Variants in FSTL5 observed in about 807,000 individuals in gnomAD.
FSTL5 encodes follistatin like 5.
In FSTL5, 62 loss-of-function variants were observed where a neutral mutation model predicts 89.1. That is an observed-to-expected ratio of 0.70 (90% CI 0.57 to 0.86). The LOEUF is 0.86. Among genes scored for constraint, FSTL5 ranks in the 40% least tolerant of loss-of-function variants. The pLI is 0.00. For missense variants in FSTL5, 1,057 were observed against 1,001.6 expected, an observed-to-expected ratio of 1.06 and a Z score of -0.75; for synonymous variants, 383 against 346.2, an observed-to-expected ratio of 1.11 and a Z score of -1.18.
At chr4:161,738,064 T>C (rs1180574192) in intron 6 of FSTL5, among the ~76,000 whole-genome samples, 2 of 152,116 alleles carry the variant, frequency 1.3e-5, no homozygotes, top group Non-Finnish European at 2.9e-5. Flanking sequence ...TGATTATATA[T>C]ACAATATCTT....
chr4:161,806,503 A>G (rs951804042), intron 4 of FSTL5, among the ~76,000 whole-genome samples: 4 of 152,188 alleles, frequency 2.6e-5, no homozygotes, highest in African/African-American at 4.8e-5. Flanking sequence ...GGCAAATATT[A>G]TAAGTAGAAA....
At chr4:161,736,492 A>G (rs1408909703) in intron 6 of FSTL5, among the ~76,000 whole-genome samples, 1 of 152,144 alleles carries the variant, frequency 6.6e-6, no homozygotes, top group East Asian at 1.9e-4. Context: ...CAAATATTCT[A>G]TTGCCTTTCT....
intron 2 of FSTL5, among the ~76,000 whole-genome samples, chr4:162,092,987 C>T (rs998284584): frequency 1.4e-5 from 2 of 147,946 alleles, no homozygotes; most frequent in African/African-American, 5.0e-5. Context: ...ATAGCCGAGG[C>T]TATGTCTTCC....
chr4:161,882,239 C>G (rs568885595), intron 4 of FSTL5, among the ~76,000 whole-genome samples: 71 of 152,174 alleles, frequency 4.7e-4, no homozygotes, highest in Middle Eastern at 3.4e-3. Context: ...TTTTTCTTCT[C>G]TAAGACTTAA....
intron 15 of FSTL5, among the ~76,000 whole-genome samples, chr4:161,399,439 A>C (rs541486047): frequency 6.6e-6 from 1 of 152,300 alleles, no homozygotes; most frequent in Admixed American, 6.5e-5. Flanking sequence ...CACTTACAGT[A>C]CTGTACTATA....
intron 4 of FSTL5, among the ~76,000 whole-genome samples, chr4:161,843,479 C>T (rs570150374): frequency 2.0e-5 from 3 of 152,082 alleles, no homozygotes; most frequent in Non-Finnish European, 2.9e-5. Flanking sequence ...CTTCATATCC[C>T]TTGTAAGTTG....
intron 1 of FSTL5, among the ~76,000 whole-genome samples, chr4:162,128,967 G>A (rs1732188337): frequency 1.3e-5 from 2 of 148,988 alleles, no homozygotes; most frequent in African/African-American, 5.0e-5. Flanking sequence ...TGTTGCCCAG[G>A]CTGGAGCGCA....
At chr4:161,652,862 T>C (rs1189247832) in intron 7 of FSTL5, among the ~76,000 whole-genome samples, 1 of 152,126 alleles carries the variant, frequency 6.6e-6, no homozygotes, top group Non-Finnish European at 1.5e-5. Context: ...TCCTTTGACA[T>C]GAAAGGCACT....
intron 2 of FSTL5, among the ~76,000 whole-genome samples, chr4:162,041,610 T>G (rs370592279): frequency 2.6e-5 from 4 of 152,152 alleles, no homozygotes; most frequent in African/African-American, 9.7e-5. Flanking sequence ...TTGCTTCTTA[T>G]TGTATATTCA....
At chr4:161,872,496 A>G (rs1214682578) in intron 4 of FSTL5, among the ~76,000 whole-genome samples, 1 of 152,180 alleles carries the variant, frequency 6.6e-6, no homozygotes, top group Non-Finnish European at 1.5e-5. Flanking sequence ...TTGATCCAGG[A>G]AGTACTGGCC....
At chr4:162,123,218 C>T (rs1731938550) in intron 1 of FSTL5, among the ~76,000 whole-genome samples, 1 of 152,106 alleles carries the variant, frequency 6.6e-6, no homozygotes, top group Admixed American at 6.6e-5. Context: ...CAATGAAGTG[C>T]TGCACAGGGA....
At chr4:161,534,094 C>A (rs1731512949) in intron 10 of FSTL5, among the ~76,000 whole-genome samples, 1 of 152,030 alleles carries the variant, frequency 6.6e-6, no homozygotes, top group African/African-American at 2.4e-5. Flanking sequence ...TAATAAGAAC[C>A]ACCTTATGAC....
chr4:162,034,418 A>G (rs759447880), intron 2 of FSTL5, among the ~76,000 whole-genome samples: 3 of 152,138 alleles, frequency 2.0e-5, no homozygotes, highest in Non-Finnish European at 2.9e-5. Context: ...GCTTTAGTTT[A>G]ACTTAGAATT....
intron 4 of FSTL5, among the ~76,000 whole-genome samples, chr4:161,800,593 A>C (rs1222764021): frequency 2.0e-5 from 3 of 151,610 alleles, no homozygotes; most frequent in Admixed American, 1.3e-4. Context: ...TTTACCTCTT[A>C]AGTAAAGCTA....
chr4:161,621,295 C>T (rs1400956557), intron 7 of FSTL5, among the ~76,000 whole-genome samples: 1 of 151,628 alleles, frequency 6.6e-6, no homozygotes, highest in Non-Finnish European at 1.5e-5. Context: ...CACACACACA[C>T]ACACACACAC....
At chr4:161,880,055 T>C (rs1732577507) in intron 4 of FSTL5, among the ~76,000 whole-genome samples, 1 of 152,098 alleles carries the variant, frequency 6.6e-6, no homozygotes, top group Non-Finnish European at 1.5e-5. Context: ...CCAAGCCCCT[T>C]TTTTGAGATA....
Position 161,689,316 on chromosome 4 carries a change from T to C in FSTL5, c.728-32822A>G, listed in dbSNP as rs187907226. ...TCAGTTCTATAGAAAGGGCTTTTAG[T>C]TTCTATTGCTGCATAATCCAGGACA... On this transcript the variant is annotated intron_variant, in intron 6 of 15. Transcript: ENST00000306100. Among the ~76,000 whole-genome samples the C allele has an allele frequency of 1.4e-4, 22 of 152,250 alleles. No individual in the cohort carries two copies. The East Asian group carries it at 4.2e-3, about 29-fold the overall frequency.
Position 161,385,880 on chromosome 4 carries a change from C to G in FSTL5, c.2411G>C (p.Gly804Ala). 5 of 1,613,880 alleles carry G rather than the reference C, an allele frequency of 3.1e-6. No individual in the cohort carries two copies. The highest frequency in any genetic ancestry group is 4.2e-6 in the Non-Finnish European group (5 of 1,179,906). The change falls in exon 16 of 16, where the codon GGC (glycine) becomes GCC (alanine). Residue 804 changes from glycine to alanine, a missense_variant. Gly to Ala is a moderately conservative substitution (Grantham distance 60). This residue lies in a region of FSTL5 where 68 missense variants were observed against 73.3 expected (regional missense o/e 0.93). Transcript: ENST00000306100. ...NRKNRQIQDS[G>A]LFGQYLMTPS... is the part of the protein sequence containing the mutation. Reference sequence around the variant, plus strand: ...TGTCATCAGGTATTGACCAAACAAGCCACTGTCCTGGATTTGCCTGTTTTT... The same window carrying G: ...TGTCATCAGGTATTGACCAAACAAGGCACTGTCCTGGATTTGCCTGTTTTT...
chr4:161,821,755 T>C (rs1384717573), intron 4 of FSTL5, among the ~76,000 whole-genome samples: 1 of 152,242 alleles, frequency 6.6e-6, no homozygotes, highest in Non-Finnish European at 1.5e-5. Flanking sequence ...TTTCATTTTT[T>C]TCATGGCTGC....
Sources: allele counts gnomAD v4.1 joint callset (sites outside exome capture counted in the v4.1 genomes callset), GRCh38; gene constraint gnomAD v4.1.1; regional missense constraint gnomAD v4.1.1; transcripts MANE v1.5; gene names NCBI Gene and HGNC (gene_info 2026-07-23, HGNC 2026-07-21).